PTCHD4: variants seen among roughly 807,000 people sequenced by gnomAD.
PTCHD4 encodes the protein patched domain-containing protein 4.
PTCHD4 carries 33 observed loss-of-function variants against 58.1 expected under a neutral mutation model. The ratio of observed to expected loss-of-function variants is 0.57; its 90% CI spans 0.43 to 0.76. PTCHD4 has a LOEUF of 0.76. PTCHD4 is among the 30% of genes least tolerant of loss of function. PTCHD4 has a pLI of 0.00. For synonymous variants in PTCHD4, 478 were observed against 409.6 expected, an observed-to-expected ratio of 1.17 and a Z score of -2.02; for missense variants, 1,058 against 1,027.1, an observed-to-expected ratio of 1.03 and a Z score of -0.41.
chr6:47,939,826 C>T (rs949657167), intron 4 of PTCHD4, among the ~76,000 whole-genome samples: 2 of 152,088 alleles, frequency 1.3e-5, no homozygotes, highest in Non-Finnish European at 2.9e-5. Context: ...GAACAAAATT[C>T]TTAAAGAAAG....
rs903466897 is a variant in PTCHD4, at chr6:47,860,230, G to A, written c.*18073C>T. On this transcript the variant is annotated 3_prime_UTR_variant, in exon 5 of 5. Transcript: ENST00000339488. ...GTCAGCATCTTTAAAGAGATTGCAAGCAATTTAAAGGTAGAAAACACATCA... is the reference window on the plus strand; with the variant it reads ...GTCAGCATCTTTAAAGAGATTGCAAACAATTTAAAGGTAGAAAACACATCA... Among the ~76,000 whole-genome samples the A allele has an allele frequency of 5.3e-5, 8 of 151,940 alleles. No individual in the cohort carries two copies. Among genetic ancestry groups the A allele is most frequent in the African/African-American group, 1.7e-4 (7 of 41,408 alleles).
At position 48,011,208 on chromosome 6, in the gene PTCHD4, G is replaced by A. The variant is rs566539855; in HGVS notation, c.418-2094C>T. 5.9e-5 allele frequency among the ~76,000 whole-genome samples: 9 copies of A among 152,224 alleles called. No individual in the cohort carries two copies. In the East Asian group the frequency reaches 9.7e-4, roughly 16 times the overall value. On this transcript the variant is annotated intron_variant, in intron 3 of 4. Transcript: ENST00000339488. ...ACACTCCCACCAACAGTGTAAAAGCGTTCCTATTTCTCCACATCCTCTCCA... is the reference window on the plus strand; with the variant it reads ...ACACTCCCACCAACAGTGTAAAAGCATTCCTATTTCTCCACATCCTCTCCA...
intron 3 of PTCHD4, among the ~76,000 whole-genome samples, chr6:48,018,236 A>C (rs1000748154): frequency 6.6e-6 from 1 of 152,216 alleles, no homozygotes; most frequent in African/African-American, 2.4e-5. Context: ...GCCGGGTGAC[A>C]GAAGACATGC....
intron 4 of PTCHD4, among the ~76,000 whole-genome samples, chr6:47,950,318 G>T (rs1458125008): frequency 6.6e-6 from 1 of 152,080 alleles, no homozygotes; most frequent in Non-Finnish European, 1.5e-5. Context: ...AATATAAGCT[G>T]GGTGGGAGCA....
chr6:48,012,977 G>T (rs1364499309), intron 3 of PTCHD4, among the ~76,000 whole-genome samples: 1 of 152,150 alleles, frequency 6.6e-6, no homozygotes, highest in Non-Finnish European at 1.5e-5. Context: ...CGGTTTGGCA[G>T]TATTTTATTG....
intron 4 of PTCHD4, among the ~76,000 whole-genome samples, chr6:47,998,441 C>T (rs1768585403): frequency 6.6e-6 from 1 of 152,170 alleles, no homozygotes; most frequent in Non-Finnish European, 1.5e-5. Flanking sequence ...CAGCTACTCT[C>T]AAGATAAACA....
intron 4 of PTCHD4, among the ~76,000 whole-genome samples, chr6:47,936,696 T>C (rs1278872987): frequency 6.6e-6 from 1 of 152,234 alleles, no homozygotes; most frequent in East Asian, 1.9e-4. Context: ...TGCTAGGCAT[T>C]GTTCTAAACA....
chr6:48,053,444 A>G (rs1357800041), intron 3 of PTCHD4, among the ~76,000 whole-genome samples: 1 of 152,278 alleles, frequency 6.6e-6, no homozygotes, highest in South Asian at 2.1e-4. Flanking sequence ...ACAAACAATG[A>G]CCATCTCAGG....
At chr6:48,110,248 T>TGTGTATA (rs1423178411) in intron 1 of PTCHD4, among the ~76,000 whole-genome samples, 3 of 152,210 alleles carry the variant, frequency 2.0e-5, no homozygotes, top group African/African-American at 7.2e-5. Flanking sequence ...AAATGTGGTA[T>TGTGTATA]GTGTATACAC....
intron 4 of PTCHD4, among the ~76,000 whole-genome samples, chr6:47,911,750 C>T (rs1765077708): frequency 6.6e-6 from 1 of 152,062 alleles, no homozygotes; most frequent in African/African-American, 2.4e-5. Flanking sequence ...GTCAAGTAGG[C>T]ATTTAAACAT....
chr6:47,898,875 A>C (rs1254994616), intron 4 of PTCHD4, among the ~76,000 whole-genome samples: 1 of 152,190 alleles, frequency 6.6e-6, no homozygotes, highest in African/African-American at 2.4e-5. Context: ...CTTTCTTTTT[A>C]GGTCCCTGCT....
At chr6:48,013,121 A>G (rs1371153212) in intron 3 of PTCHD4, among the ~76,000 whole-genome samples, 3 of 151,864 alleles carry the variant, frequency 2.0e-5, no homozygotes, top group South Asian at 2.1e-4. Flanking sequence ...CTCTTTTTCT[A>G]TTGTTTGGAG....
chr6:47,898,754 G>A (rs1237382163), intron 4 of PTCHD4, among the ~76,000 whole-genome samples: 8 of 152,192 alleles, frequency 5.3e-5, no homozygotes, highest in Non-Finnish European at 2.9e-5. Context: ...CGAATCCCTT[G>A]CAAGAGGAGA....
chr6:47,961,335 C>G (rs1188709230), intron 4 of PTCHD4, among the ~76,000 whole-genome samples: 8 of 151,742 alleles, frequency 5.3e-5, no homozygotes, highest in Admixed American at 5.3e-4. Context: ...CTCTGTCACC[C>G]AGGCTGGAGT....
intron 4 of PTCHD4, among the ~76,000 whole-genome samples, chr6:47,979,759 A>G (rs1767813040): frequency 6.6e-6 from 1 of 152,038 alleles, no homozygotes; most frequent in Non-Finnish European, 1.5e-5. Context: ...ATAAAATTGA[A>G]TTAAAAATTT....
chr6:47,948,134 T>C (rs1766492533), intron 4 of PTCHD4, among the ~76,000 whole-genome samples: 1 of 152,194 alleles, frequency 6.6e-6, no homozygotes. Flanking sequence ...GAAGGGTCCA[T>C]TTCCAAGCTC....
At chr6:48,102,907 G>C (rs546313048) in intron 1 of PTCHD4, among the ~76,000 whole-genome samples, 1 of 152,354 alleles carries the variant, frequency 6.6e-6, no homozygotes, top group East Asian at 1.9e-4. Context: ...GGCTGGGGGA[G>C]GGGTGCCCAC....
chr6:47,883,592 T>C lies in PTCHD4; in HGVS notation c.899-3656A>G, dbSNP rs377258979. Among the ~76,000 whole-genome samples, 104 of 152,314 alleles carry C rather than the reference T, an allele frequency of 6.8e-4. 3 individuals are homozygous for C. In the South Asian group the frequency reaches 0.02, roughly 29 times the overall value. ...TTAATTAATATGAAATAACTGTGTA[T>C]AGTATCAATGGAATTAATTGTATGG... is the stretch of plus-strand genomic sequence containing the variant. On this transcript the variant is annotated intron_variant, in intron 4 of 4. Coordinates refer to ENST00000339488, the MANE Select transcript of PTCHD4 (RefSeq NM_001384253.1).
chr6:47,926,851 C>T (rs1561961200), intron 4 of PTCHD4, among the ~76,000 whole-genome samples: 1 of 152,202 alleles, frequency 6.6e-6, no homozygotes, highest in Admixed American at 6.5e-5. Flanking sequence ...AAAGTATTAG[C>T]ACACACAATG....
Sources: allele counts gnomAD v4.1 joint callset (sites outside exome capture counted in the v4.1 genomes callset), GRCh38; gene constraint gnomAD v4.1.1; transcripts MANE v1.5; gene names NCBI Gene and HGNC (gene_info 2026-07-23, HGNC 2026-07-21).